Variants in ZFHX3 observed in about 807,000 individuals in gnomAD.
ZFHX3 encodes zinc finger homeobox protein 3.
ZFHX3 carries 42 observed loss-of-function variants against 279.1 expected under a neutral mutation model. The observed-to-expected ratio is 0.15, with a 90% CI of 0.12 to 0.19. The LOEUF (loss-of-function observed/expected upper bound fraction) is 0.19. Ranked by LOEUF, ZFHX3 falls within the 10% of genes least tolerant of loss-of-function variation. ZFHX3 has a pLI of 1.00. For synonymous variants in ZFHX3, 2,293 were observed against 1,957.8 expected, an observed-to-expected ratio of 1.17 and a Z score of -4.52; for missense variants, 4,981 against 4,754.0, an observed-to-expected ratio of 1.05 and a Z score of -1.40.
intron 3 of ZFHX3, among the ~76,000 whole-genome samples, chr16:73,442,009 G>A (rs190590478): frequency 4.1e-4 from 63 of 152,246 alleles, no homozygotes; most frequent in African/African-American, 1.3e-3. Flanking sequence ...ACTCTTAACA[G>A]GACTCCAGGT....
intron 3 of ZFHX3, among the ~76,000 whole-genome samples, chr16:73,338,722 T>C (rs528406688): frequency 2.0e-5 from 3 of 152,210 alleles, no homozygotes; most frequent in Non-Finnish European, 4.4e-5. Flanking sequence ...ATTATCTTTC[T>C]GGGTGATATA....
At position 72,788,220 on chromosome 16, in the gene ZFHX3, C is replaced by A; in HGVS notation, c.10056G>T (p.Leu3352=). The change falls in exon 10 of 10, where the codon CTG becomes CTT. Residue 3352 remains leucine (L), a synonymous_variant. Transcript: ENST00000268489. The stretch of plus-strand genomic sequence containing the variant: ...GTAGGGAGCCTGGGGACAGCCCCAT[C>A]AGGGCCTGCGACAGTGCAGGGCTGT... ...FPYSPALSQA[L]MGLSPGSLLQ... is the part of the protein sequence containing the mutation. 6.2e-7 allele frequency: 1 copy of A among 1,613,462 alleles called. No homozygotes were observed. The highest frequency in any genetic ancestry group is 1.3e-5 in the African/African-American group (1 of 75,040).
intron 2 of ZFHX3, among the ~76,000 whole-genome samples, chr16:73,678,235 G>A (rs939045786): frequency 3.9e-5 from 6 of 152,142 alleles, no homozygotes; most frequent in Non-Finnish European, 7.4e-5. Context: ...ACACGCATGT[G>A]TGAACAGCAT....
chr16:72,884,753 A>G (rs1268249393), intron 4 of ZFHX3, among the ~76,000 whole-genome samples: 1 of 152,222 alleles, frequency 6.6e-6, no homozygotes, highest in Non-Finnish European at 1.5e-5. Flanking sequence ...TGCCTTTTAA[A>G]TAAGCAAACA....
Position 73,740,994 on chromosome 16 carries a change from A to C in ZFHX3, c.-1607-60754T>G, listed in dbSNP as rs144285608. The stretch of plus-strand genomic sequence containing the variant: ...AAGTGAGAAATTAAAAGAGGTTTAC[A>C]CTGTACTGGTTACCTGAATCAGCAA... On this transcript the variant is annotated intron_variant, in intron 1 of 17. Transcript: ENST00000641206. 6.9e-3 allele frequency among the ~76,000 whole-genome samples: 1,031 copies of C among 150,414 alleles called. 7 individuals are homozygous for C. Among genetic ancestry groups the C allele is most frequent in the Non-Finnish European group, 0.011 (727 of 67,790 alleles).
chr16:73,812,770 G>A (rs1960459809), intron 1 of ZFHX3: 1 of 152,226 alleles, frequency 6.6e-6, no homozygotes, highest in Non-Finnish European at 1.5e-5. Flanking sequence ...TGAAAGAACA[G>A]ATGAACACAC....
intron 3 of ZFHX3, among the ~76,000 whole-genome samples, chr16:72,947,547 A>G (rs1960750079): frequency 6.6e-6 from 1 of 152,130 alleles, no homozygotes; most frequent in Admixed American, 6.5e-5. Flanking sequence ...TCCAACATGA[A>G]AAAGGAACAG....
chr16:73,032,120 G>T (rs935003312), intron 1 of ZFHX3, among the ~76,000 whole-genome samples: 4 of 152,108 alleles, frequency 2.6e-5, no homozygotes, highest in African/African-American at 9.7e-5. Context: ...GAGACAGGGA[G>T]ATCCTGTCTC....
chr16:73,019,517 C>T (rs1964226443), intron 1 of ZFHX3, among the ~76,000 whole-genome samples: 1 of 152,212 alleles, frequency 6.6e-6, no homozygotes, highest in South Asian at 2.1e-4. Context: ...CCCTGCAGCC[C>T]TCCCAGCCAC....
At position 73,420,323 on chromosome 16, in the gene ZFHX3, A is replaced by G. The variant is rs115367716; in HGVS notation, c.-1291+35680T>C. 2.5e-3 allele frequency: 386 copies of G among 152,368 alleles called. 5 individuals carry two copies. The highest frequency in any genetic ancestry group is 9.0e-3 in the African/African-American group (373 of 41,592). The allele number at this position is 152,368 out of a possible 1,614,324, so 9.4% of individuals were successfully genotyped here. ...AATAATTTACTAAAGCAGAATTCCT[A>G]AAGATTCATATTAGATAGTATCTAA... On this transcript the variant is annotated intron_variant, in intron 3 of 17. Transcript: ENST00000641206.
intron 5 of ZFHX3, among the ~76,000 whole-genome samples, chr16:72,827,538 A>G (rs1037295089): frequency 1.3e-5 from 2 of 152,186 alleles, no homozygotes; most frequent in Admixed American, 6.5e-5. Context: ...AAGGTCACCC[A>G]GTCTTCAAAC....
chr16:73,629,043 T>G (rs2052443687), intron 2 of ZFHX3, among the ~76,000 whole-genome samples: 1 of 152,116 alleles, frequency 6.6e-6, no homozygotes, highest in Non-Finnish European at 1.5e-5. Flanking sequence ...CACACTGTAA[T>G]AAACCCCCGC....
intron 1 of ZFHX3, among the ~76,000 whole-genome samples, chr16:72,979,686 C>T (rs1962501849): frequency 6.6e-6 from 1 of 152,146 alleles, no homozygotes; most frequent in African/African-American, 2.4e-5. Context: ...ACCTAGCACA[C>T]AGTTATTTAT....
At chr16:73,647,159 C>A (rs1239858910) in intron 2 of ZFHX3, among the ~76,000 whole-genome samples, 1 of 151,982 alleles carries the variant, frequency 6.6e-6, no homozygotes, top group Non-Finnish European at 1.5e-5. Context: ...ACTACAGGCG[C>A]CTGCCACCAC....
chr16:73,684,580 T>G (rs2053059284), intron 1 of ZFHX3, among the ~76,000 whole-genome samples: 1 of 152,152 alleles, frequency 6.6e-6, no homozygotes, highest in Non-Finnish European at 1.5e-5. Flanking sequence ...TATGTTGGGT[T>G]ACATGGCAAA....
chr16:72,798,419 C>T lies in ZFHX3; in HGVS notation c.4263G>A (p.Gln1421=), dbSNP rs2143466870. The change falls in exon 9 of 10, where the codon CAG becomes CAA. Residue 1421 remains glutamine (Q), a synonymous_variant. Transcript: ENST00000268489. ...KTIEKLQLHS[Q]YHVIRAATMC... ...TGGTGGCAGCTCTGATCACATGGTA[C>T]TGAGAATGGAGCTGCAACTTTTCAA... is the stretch of plus-strand genomic sequence containing the variant. The T allele has an allele frequency of 6.2e-7, 1 of 1,614,202 alleles. No homozygotes were observed. The highest frequency in any genetic ancestry group is 1.1e-5 in the South Asian group (1 of 91,080).
intron 5 of ZFHX3, among the ~76,000 whole-genome samples, chr16:73,185,266 T>A (rs909680566): frequency 6.6e-6 from 1 of 152,184 alleles, no homozygotes; most frequent in Non-Finnish European, 1.5e-5. Context: ...GGGAAGTGGG[T>A]TGTCTTATTA....
At chr16:73,740,603 A>G (rs1442293022) in intron 1 of ZFHX3, among the ~76,000 whole-genome samples, 2 of 152,204 alleles carry the variant, frequency 1.3e-5, no homozygotes, top group Non-Finnish European at 2.9e-5. Flanking sequence ...TCATTTTACC[A>G]TGCTTTGAAT....
chr16:73,053,987 C>A (rs1475386830), intron 1 of ZFHX3, among the ~76,000 whole-genome samples: 1 of 145,402 alleles, frequency 6.9e-6, no homozygotes, highest in Admixed American at 7.2e-5. Context: ...AGCAGCCCCA[C>A]AAGAAAACGC....
Sources: gnomAD v4.1 joint callset for allele counts (sites outside exome capture counted in the v4.1 genomes callset) on GRCh38, gnomAD v4.1.1 for gene constraint, MANE v1.5 for transcripts, NCBI Gene and HGNC (gene_info 2026-07-23, HGNC 2026-07-21) for gene names.